The following MBD5 variants were observed in gnomAD, a reference collection of about 807,000 sequenced individuals.
MBD5 encodes the protein methyl-CpG binding domain protein 5.
MBD5 carries 13 observed loss-of-function variants against 117.3 expected under a neutral mutation model. The ratio of observed to expected loss-of-function variants is 0.11; its 90% CI spans 0.07 to 0.18. The LOEUF (loss-of-function observed/expected upper bound fraction) is 0.18, where lower values mean the gene tolerates loss of function less well. Among genes scored for constraint, MBD5 ranks in the 10% least tolerant of loss-of-function variants. MBD5 has a pLI of 1.00. For missense variants in MBD5, 1,879 were observed against 2,093.8 expected, an observed-to-expected ratio of 0.90 and a Z score of 2.00; for synonymous variants, 727 against 766.4, an observed-to-expected ratio of 0.95 and a Z score of 0.85.
At chr2:148,131,971 G>C (rs1319332340) in intron 1 of MBD5, among the ~76,000 whole-genome samples, 1 of 152,024 alleles carries the variant, frequency 6.6e-6, no homozygotes, top group African/African-American at 2.4e-5. Context: ...CATATAGTCA[G>C]CTTAGAGTTA....
At chr2:148,502,941 T>G (rs1681917472) in intron 12 of MBD5, 1 of 193,354 alleles carries the variant, frequency 5.2e-6, no homozygotes, top group South Asian at 9.8e-5. Flanking sequence ...TGATGCTAAA[T>G]AAAGATTTTT....
At chr2:148,376,272 C>T (rs55953704) in intron 4 of MBD5, among the ~76,000 whole-genome samples, 1 of 131,346 alleles carries the variant, frequency 7.6e-6, no homozygotes, top group African/African-American at 2.9e-5. Flanking sequence ...CTTTTCTTTT[C>T]TTTTTTTTTT....
chr2:148,185,584 A>G, intron 2 of MBD5, among the ~76,000 whole-genome samples: 1 of 152,190 alleles, frequency 6.6e-6, no homozygotes, highest in Non-Finnish European at 1.5e-5. Flanking sequence ...ATTCTGAGTA[A>G]TACACTACTG....
At chr2:148,131,354 C>A (rs1317630706) in intron 1 of MBD5, among the ~76,000 whole-genome samples, 1 of 152,114 alleles carries the variant, frequency 6.6e-6, no homozygotes, top group Admixed American at 6.6e-5. Context: ...GGCGTTTCAT[C>A]TTTTCTTACA....
chr2:148,138,894 G>T (rs1220235824), intron 1 of MBD5, among the ~76,000 whole-genome samples: 1 of 152,148 alleles, frequency 6.6e-6, no homozygotes, highest in African/African-American at 2.4e-5. Flanking sequence ...CAATTGATTT[G>T]AGTTTCAGAT....
chr2:148,488,385 A>G (rs1339570701), intron 10 of MBD5, among the ~76,000 whole-genome samples: 1 of 152,168 alleles, frequency 6.6e-6, no homozygotes, highest in Non-Finnish European at 1.5e-5. Flanking sequence ...CCCTCAACTG[A>G]GGTTGGAAGC....
At position 148,490,349 on chromosome 2, in the gene MBD5, T is replaced by G; in HGVS notation, c.4717T>G (p.Phe1573Val). The change falls in exon 11 of 14, where the codon TTT (phenylalanine) becomes GTT (valine). Residue 1573 changes from phenylalanine to valine, a missense_variant. By Grantham distance (50) the Phe-to-Val change is conservative. This residue lies in a region of MBD5 where 1,666 missense variants were observed against 1,792.2 expected (regional missense o/e 0.93). Transcript: ENST00000642680. ...VKDYIHYNGDFNAKSVNGCVP... is the reference protein window; with the variant it reads ...VKDYIHYNGDVNAKSVNGCVP... The stretch of plus-strand genomic sequence containing the variant: ...AGACTACATCCATTACAATGGAGAC[T>G]TTAATGCCAAAAGCGTTAATGGGTG... The G allele has an allele frequency of 6.2e-7, 1 of 1,614,180 alleles. No individual in the cohort carries two copies. The highest frequency in any genetic ancestry group is 8.5e-7 in the Non-Finnish European group (1 of 1,180,022).
In MBD5 at chr2:148,513,334, A is replaced by G. The variant is rs1320558253; in HGVS notation, c.*393A>G. 2.0e-5 allele frequency: 4 copies of G among 203,858 alleles called. No individual in the cohort carries two copies. The highest frequency in any genetic ancestry group is 3.0e-5 in the Non-Finnish European group (3 of 98,942). 12.6% of individuals were successfully genotyped at this position (203,858 alleles called of 1,614,324 possible). On this transcript the variant is annotated 3_prime_UTR_variant, in exon 14 of 14. Transcript: ENST00000642680. ...GTACAGTATTGTCATGTACAAGCGTACCTAATGCACACTTTATCTTTTATT... is the reference window on the plus strand; with the variant it reads ...GTACAGTATTGTCATGTACAAGCGTGCCTAATGCACACTTTATCTTTTATT...
At chr2:148,133,982 A>C (rs764404980) in intron 1 of MBD5, among the ~76,000 whole-genome samples, 1 of 152,178 alleles carries the variant, frequency 6.6e-6, no homozygotes, top group Non-Finnish European at 1.5e-5. Flanking sequence ...ATGAAAATTT[A>C]TTTGCCAGGA....
intron 3 of MBD5, among the ~76,000 whole-genome samples, chr2:148,237,375 C>T (rs1290452387): frequency 7.2e-5 from 11 of 152,172 alleles, no homozygotes; most frequent in African/African-American, 2.7e-4. Context: ...AACTGAGAGA[C>T]ATGTGACTCT....
chr2:148,298,939 G>A (rs945203041), intron 3 of MBD5, among the ~76,000 whole-genome samples: 2 of 152,130 alleles, frequency 1.3e-5, no homozygotes, highest in Non-Finnish European at 2.9e-5. Context: ...CTCAGTTGTA[G>A]TCATGCTACT....
chr2:148,389,257 T>C (rs1328793467), intron 4 of MBD5, among the ~76,000 whole-genome samples: 1 of 16,264 alleles, frequency 6.1e-5, no homozygotes, highest in African/African-American at 3.9e-4. Flanking sequence ...AAAACATATA[T>C]ATATATATAT....
Position 148,484,120 on chromosome 2 carries a change from G to C in MBD5, c.3529G>C (p.Gly1177Arg). ...VVPQLLNPLL[G>R]TGLLGDMSSI... Reference sequence around the variant, plus strand: ...GCCACAGCTACTTAACCCTCTACTGGGGACAGGTCTACTTGGTAAGTTAAA... The same window carrying C: ...GCCACAGCTACTTAACCCTCTACTGCGGACAGGTCTACTTGGTAAGTTAAA... Residue 1177 changes from glycine to arginine, a missense_variant, in exon 9 of 14, where the codon GGG becomes CGG. By Grantham distance (125) the Gly-to-Arg change is moderately radical. Coordinates refer to ENST00000642680, the MANE Select transcript of MBD5 (RefSeq NM_001378120.1). The C allele has an allele frequency of 6.7e-7, 1 of 1,487,450 alleles. No individual in the cohort carries two copies. The highest frequency in any genetic ancestry group is 9.0e-7 in the Non-Finnish European group (1 of 1,117,232). The allele number at this position is 1,487,450 out of a possible 1,614,324, so 92.1% of individuals were successfully genotyped here.
chr2:148,489,238 T>G, intron 10 of MBD5, 148 bp from the exon 11 acceptor site: 1 of 973,236 alleles, frequency 1.0e-6, no homozygotes, highest in Non-Finnish European at 1.5e-6. Context: ...AAGTGACTTT[T>G]TATTTCATTT....
intron 1 of MBD5, among the ~76,000 whole-genome samples, chr2:148,086,123 T>G (rs531116718): frequency 4.5e-4 from 69 of 152,214 alleles, no homozygotes; most frequent in African/African-American, 1.5e-3. Flanking sequence ...ATATATAGTA[T>G]ATGTACTATA....
intron 2 of MBD5, among the ~76,000 whole-genome samples, chr2:148,201,409 A>G (rs1258851831): frequency 6.6e-6 from 1 of 152,178 alleles, no homozygotes; most frequent in East Asian, 1.9e-4. Flanking sequence ...GGGGGATGTT[A>G]CAGCATGCTA....
At chr2:148,365,855 A>C (rs1302342653) in intron 4 of MBD5, among the ~76,000 whole-genome samples, 1 of 151,628 alleles carries the variant, frequency 6.6e-6, no homozygotes, top group East Asian at 1.9e-4. Flanking sequence ...CAAAAAAAAA[A>C]CCCCAGACCA....
intron 1 of MBD5, among the ~76,000 whole-genome samples, chr2:148,050,480 A>G (rs1040330388): frequency 2.0e-5 from 3 of 152,116 alleles, no homozygotes; most frequent in Non-Finnish European, 1.5e-5. Context: ...CCCTTATCAT[A>G]TATGATTGCA....
At chr2:148,246,402 A>T (rs1441961384) in intron 3 of MBD5, among the ~76,000 whole-genome samples, 1 of 152,060 alleles carries the variant, frequency 6.6e-6, no homozygotes, top group Non-Finnish European at 1.5e-5. Context: ...ATTTTTATTC[A>T]TGTATTATGT....
Sources: allele counts gnomAD v4.1 joint callset (sites outside exome capture counted in the v4.1 genomes callset), GRCh38; gene constraint gnomAD v4.1.1; regional missense constraint gnomAD v4.1.1; transcripts MANE v1.5; gene names NCBI Gene and HGNC (gene_info 2026-07-23, HGNC 2026-07-21).